NRXN1: variants seen among roughly 807,000 people sequenced by gnomAD.
NRXN1 encodes the protein neurexin-1.
NRXN1 carries 39 observed loss-of-function variants against 150.9 expected under a neutral mutation model. The ratio of observed to expected loss-of-function variants is 0.26; its 90% CI spans 0.20 to 0.34. The LOEUF (loss-of-function observed/expected upper bound fraction) is 0.34, where lower values mean the gene tolerates loss of function less well. Among genes scored for constraint, NRXN1 ranks in the 10% least tolerant of loss-of-function variants. The pLI is 1.00. For missense variants in NRXN1, 1,815 were observed against 1,949.9 expected (o/e 0.93, Z 1.30); for synonymous variants, 924 against 757.0 (o/e 1.22, Z -3.62).
chr2:50,008,985 G>A (rs1685210409), intron 21 of NRXN1, among the ~76,000 whole-genome samples: 1 of 152,048 alleles, frequency 6.6e-6, no homozygotes, highest in African/African-American at 2.4e-5. Context: ...TCTCTTCAAG[G>A]TAACAAATCC....
chr2:50,525,673 G>A (rs1241117104), intron 12 of NRXN1, among the ~76,000 whole-genome samples: 1 of 152,174 alleles, frequency 6.6e-6, no homozygotes, highest in African/African-American at 2.4e-5. Context: ...CATACATTTG[G>A]CAGTGAAATG....
intron 18 of NRXN1, among the ~76,000 whole-genome samples, chr2:50,195,703 G>T (rs916481228): frequency 3.3e-5 from 5 of 152,020 alleles, no homozygotes; most frequent in Non-Finnish European, 7.4e-5. Context: ...TGAGAAACTG[G>T]CAATAACTAT....
chr2:50,699,320 C>T (rs1693394805), intron 5 of NRXN1, among the ~76,000 whole-genome samples: 1 of 152,178 alleles, frequency 6.6e-6, no homozygotes, highest in Admixed American at 6.6e-5. Flanking sequence ...AAGTCCAAAT[C>T]CTAATTTCCA....
intron 17 of NRXN1, among the ~76,000 whole-genome samples, chr2:50,303,911 CAG>C (rs1558488872): frequency 7.5e-6 from 1 of 133,016 alleles, no homozygotes; most frequent in African/African-American, 2.7e-5. Flanking sequence ...TATACCTTAG[CAG>C]AGTCTTCTGT....
At chr2:50,394,830 C>T (rs181714958) in intron 17 of NRXN1, among the ~76,000 whole-genome samples, 4 of 152,086 alleles carry the variant, frequency 2.6e-5, no homozygotes, top group African/African-American at 9.6e-5. Context: ...CTCTTCCTGG[C>T]CTCCTACTCT....
At position 51,022,417 on chromosome 2, in the gene NRXN1, G is replaced by C. The variant is rs140310844; in HGVS notation, c.772+5085C>G. Among the ~76,000 whole-genome samples the C allele has an allele frequency of 5.2e-3, 789 of 152,194 alleles. 7 individuals are homozygous for C. Among genetic ancestry groups the C allele is most frequent in the African/African-American group, 0.018 (753 of 41,546 alleles). Reference sequence around the variant, plus strand: ...ATAATTTAACCTCTGCACTACAACTGCATCTCAGAATAGGAAAACAAAATC... The same window carrying C: ...ATAATTTAACCTCTGCACTACAACTCCATCTCAGAATAGGAAAACAAAATC... On this transcript the variant is annotated intron_variant, in intron 2 of 22. Transcript: ENST00000401669.
At chr2:50,946,226 G>A (rs182528191) in intron 2 of NRXN1, among the ~76,000 whole-genome samples, 170 of 152,122 alleles carry the variant, frequency 1.1e-3, no homozygotes, top group African/African-American at 4.0e-3. Context: ...TGCTGCATAC[G>A]ACGCTATGAA....
chr2:50,573,550 C>T (rs971985339), intron 8 of NRXN1, among the ~76,000 whole-genome samples: 2 of 151,916 alleles, frequency 1.3e-5, no homozygotes, highest in Non-Finnish European at 2.9e-5. Flanking sequence ...ATTATTAGAA[C>T]ATTTCAGATG....
intron 5 of NRXN1, among the ~76,000 whole-genome samples, chr2:50,873,990 T>A (rs1168918376): frequency 6.6e-6 from 1 of 151,936 alleles, no homozygotes; most frequent in Non-Finnish European, 1.5e-5. Context: ...ATTCAATTTA[T>A]AATAATGCTG....
At chr2:50,239,641 C>T (rs1328790370) in intron 17 of NRXN1, among the ~76,000 whole-genome samples, 3 of 117,528 alleles carry the variant, frequency 2.6e-5, no homozygotes, top group African/African-American at 9.8e-5. Context: ...GTATAAAACC[C>T]ATATCCTGAT....
At chr2:50,039,610 T>C (rs973467163) in intron 21 of NRXN1, among the ~76,000 whole-genome samples, 1 of 152,204 alleles carries the variant, frequency 6.6e-6, no homozygotes, top group African/African-American at 2.4e-5. Flanking sequence ...ACTCTGTTTA[T>C]TCTCAACCTG....
chr2:50,397,901 A>C (rs537561112), intron 17 of NRXN1, among the ~76,000 whole-genome samples: 1 of 152,314 alleles, frequency 6.6e-6, no homozygotes, highest in South Asian at 2.1e-4. Context: ...TTAATTGACC[A>C]ACAAATACAG....
chr2:50,556,046 C>T (rs1007451054), intron 8 of NRXN1, among the ~76,000 whole-genome samples: 3 of 152,172 alleles, frequency 2.0e-5, no homozygotes, highest in Admixed American at 6.5e-5. Flanking sequence ...TGAGAAGAAG[C>T]ACACTATGTA....
At chr2:50,139,392 T>A (rs931353998) in intron 18 of NRXN1, among the ~76,000 whole-genome samples, 10 of 148,416 alleles carry the variant, frequency 6.7e-5, no homozygotes, top group African/African-American at 2.5e-4. Context: ...TGTTATTCCA[T>A]CACGTAGGAT....
At chr2:50,863,859 TA>T (rs2106047955) in intron 5 of NRXN1, among the ~76,000 whole-genome samples, 1 of 152,084 alleles carries the variant, frequency 6.6e-6, no homozygotes, top group African/African-American at 2.4e-5. Flanking sequence ...CTATGCGCAT[TA>T]AAAACCTGCT....
intron 8 of NRXN1, among the ~76,000 whole-genome samples, chr2:50,556,175 T>A (rs1307789096): frequency 1.3e-5 from 2 of 152,162 alleles, no homozygotes; most frequent in Admixed American, 1.3e-4. Context: ...ACCCAGATTT[T>A]ATAATTACCC....
intron 2 of NRXN1, among the ~76,000 whole-genome samples, chr2:51,004,112 T>C (rs1216948501): frequency 6.6e-6 from 1 of 150,954 alleles, no homozygotes; most frequent in Non-Finnish European, 1.5e-5. Context: ...TATATCCAGG[T>C]TTCCGGAGGT....
intron 9 of NRXN1, among the ~76,000 whole-genome samples, chr2:50,541,472 G>A (rs560120079): frequency 6.6e-6 from 1 of 152,298 alleles, no homozygotes; most frequent in African/African-American, 2.4e-5. Flanking sequence ...CTGACAGTAA[G>A]GATGGAGTAA....
At chr2:50,238,529 G>C (rs556450462) in intron 17 of NRXN1, among the ~76,000 whole-genome samples, 1 of 152,118 alleles carries the variant, frequency 6.6e-6, no homozygotes, top group South Asian at 2.1e-4. Flanking sequence ...TAGAAAAATA[G>C]CTTGTACCAA....
Sources: allele counts gnomAD v4.1 joint callset (sites outside exome capture counted in the v4.1 genomes callset), GRCh38; gene constraint gnomAD v4.1.1; transcripts MANE v1.5; gene names NCBI Gene and HGNC (gene_info 2026-07-23, HGNC 2026-07-21).